Variants in DPP3 observed in about 807,000 individuals in gnomAD.
The protein encoded by DPP3 is DPP III.
A neutral mutation model predicts 89.8 loss-of-function variants in DPP3; 64 were observed. The ratio of observed to expected loss-of-function variants is 0.71; its 90% CI spans 0.58 to 0.88. The LOEUF is 0.88. Among genes scored for constraint, DPP3 ranks in the 40% least tolerant of loss-of-function variants. The pLI is 0.00. For synonymous variants in DPP3, 377 were observed against 404.3 expected, an observed-to-expected ratio of 0.93 and a Z score of 0.81; for missense variants, 835 against 972.5, an observed-to-expected ratio of 0.86 and a Z score of 1.88.
chr11:66,493,316 G>A (rs1046037700), intron 11 of DPP3, 137 bp downstream of exon 11: 59 of 861,588 alleles, frequency 6.8e-5, no homozygotes, highest in Non-Finnish European at 9.3e-5. Flanking sequence ...CCATGTGACC[G>A]TGTGGACTTT....
chr11:66,493,145 G>T lies in DPP3; in HGVS notation c.1262G>T (p.Arg421Leu), dbSNP rs762912494. Residue 421 changes from arginine to leucine, a missense_variant, in exon 11 of 18, where the codon CGG becomes CTG. By Grantham distance (102) the Arg-to-Leu change is moderately radical. Coordinates refer to ENST00000531863, the MANE Select transcript of DPP3 (RefSeq NM_130443.4). ...CTGGCTGTGGCCTACGCCACGCAGC[G>T]GGAGAAGCTTACCTTTCTGGAGGAG... ...NVLAVAYATQ[R>L]EKLTFLEEDD... 3 of 1,613,914 alleles carry T rather than the reference G, an allele frequency of 1.9e-6. No individual in the cohort carries two copies. In the African/African-American group the frequency reaches 4.0e-5, roughly 22 times the overall value.
At chr11:66,503,349 G>A (rs527507798) in intron 16 of DPP3, among the ~76,000 whole-genome samples, 1 of 152,294 alleles carries the variant, frequency 6.6e-6, no homozygotes, top group East Asian at 1.9e-4. Flanking sequence ...AGAAACATTA[G>A]CTTTAATTTT....
chr11:66,497,495 G>C lies in DPP3; in HGVS notation c.1878+18G>C. ...GACTTCAGGTAAGCAAAGGCCTCTC[G>C]TCTGGATGGGTCCCCACCAACCTCT... On this transcript the variant is annotated intron_variant, in intron 16 of 17. Transcript: ENST00000531863. 1 of 1,605,888 alleles carries C rather than the reference G, an allele frequency of 6.2e-7. No individual in the cohort carries two copies. The highest frequency in any genetic ancestry group is 8.5e-7 in the Non-Finnish European group (1 of 1,175,316).
chr11:66,490,313 C>T (rs775188049), intron 6 of DPP3, among the ~76,000 whole-genome samples: 3 of 152,124 alleles, frequency 2.0e-5, no homozygotes, highest in Non-Finnish European at 4.4e-5. Flanking sequence ...TAACAAATTA[C>T]CACAAATTTA....
chr11:66,507,728 G>T (rs1406827118), intron 17 of DPP3, among the ~76,000 whole-genome samples: 4 of 145,178 alleles, frequency 2.8e-5, no homozygotes, highest in Non-Finnish European at 4.5e-5. Flanking sequence ...ACTCTGTCCC[G>T]CAGGCAGTGG....
intron 1 of DPP3, among the ~76,000 whole-genome samples, chr11:66,481,889 C>G (rs577568710): frequency 2.0e-5 from 3 of 152,264 alleles, no homozygotes; most frequent in South Asian, 2.1e-4. Context: ...CTCAGGTGAT[C>G]CACACACCTC....
intron 6 of DPP3, among the ~76,000 whole-genome samples, chr11:66,488,519 A>C (rs1855295232): frequency 6.7e-6 from 1 of 149,462 alleles, no homozygotes; most frequent in African/African-American, 2.5e-5. Flanking sequence ...CCGAGATCTT[A>C]CCACTGCACT....
intron 11 of DPP3, 145 bp from the exon 12 acceptor site, chr11:66,493,396 T>G: frequency 1.1e-6 from 1 of 881,150 alleles, no homozygotes; most frequent in Non-Finnish European, 1.7e-6. Flanking sequence ...GTTGCAAGGA[T>G]GAAATGGGCT....
intron 1 of DPP3, 34 bp from the exon 2 acceptor site, chr11:66,482,159 A>G (rs1224064635): frequency 5.6e-6 from 9 of 1,609,220 alleles, no homozygotes; most frequent in Non-Finnish European, 7.6e-6. Flanking sequence ...GGTATGGGGT[A>G]AACAACAGCT....
rs1157085339 is a variant in DPP3, at chr11:66,491,693, C to A, written c.930-5C>A. On this transcript the variant is annotated splice_region_variant and splice_polypyrimidine_tract_variant and intron_variant, in intron 8 of 17. Coordinates refer to ENST00000531863, the MANE Select transcript of DPP3 (RefSeq NM_130443.4). ...CTCCTCCACCTCTGCCCTTCTCTCC[C>A]CCAGTTACATCGGGTTCATCGAGAG... 6.2e-7 allele frequency: 1 copy of A among 1,613,704 alleles called. No homozygotes were observed. Among genetic ancestry groups the A allele is most frequent in the Non-Finnish European group, 8.5e-7 (1 of 1,179,836 alleles).
At chr11:66,506,074 G>A (rs981857120) in intron 17 of DPP3, among the ~76,000 whole-genome samples, 3 of 151,906 alleles carry the variant, frequency 2.0e-5, no homozygotes, top group Non-Finnish European at 2.9e-5. Context: ...CCAGTCTCCC[G>A]AGTAGCTGGT....
In DPP3 at chr11:66,485,252, A is replaced by T. The variant is rs191890729; in HGVS notation, c.350A>T (p.Asn117Ile). The T allele has an allele frequency of 1.2e-6, 2 of 1,613,930 alleles. No homozygotes were observed. Among genetic ancestry groups the T allele is most frequent in the African/African-American group, 2.7e-5 (2 of 74,986 alleles). The change falls in exon 3 of 18, where the codon AAC (asparagine) becomes ATC (isoleucine). Residue 117 changes from asparagine to isoleucine, a missense_variant. Physicochemically the swap from Asn to Ile is moderately radical, Grantham distance 149 (BLOSUM62 -3). Transcript: ENST00000531863. ...TTTGGTGACACCAAGTTTGTTCCCA[A>T]CTTGCCCAAGGTGAGCCAAGGGAGG... ...KSFGDTKFVP[N>I]LPKEKLERVI...
intron 6 of DPP3, among the ~76,000 whole-genome samples, chr11:66,488,293 A>G (rs4930380): frequency 0.22 from 34,052 of 152,102 alleles, 4,177 homozygotes; most frequent in East Asian, 0.26. Flanking sequence ...CGGGCATGGC[A>G]GCTCACACCT....
rs1855385278 is a variant in DPP3 at position 66,491,484 on chromosome 11, C to T, written c.799-10C>T. The T allele has an allele frequency of 6.3e-7, 1 of 1,599,720 alleles. No homozygotes were observed. The highest frequency in any genetic ancestry group is 1.1e-5 in the South Asian group (1 of 90,106). On this transcript the variant is annotated splice_polypyrimidine_tract_variant and intron_variant, in intron 7 of 17. Coordinates refer to ENST00000531863, the MANE Select transcript of DPP3 (RefSeq NM_130443.4). Reference sequence around the variant, plus strand: ...GTGGCCCGAGGCTGACCGACCCCCGCTCACCTCAGGCCTATGCAGCCAACA... The same window carrying T: ...GTGGCCCGAGGCTGACCGACCCCCGTTCACCTCAGGCCTATGCAGCCAACA...
intron 1 of DPP3, chr11:66,481,977 A>G (rs1367765302): frequency 1.5e-6 from 1 of 651,364 alleles, no homozygotes; most frequent in East Asian, 2.8e-5. Context: ...TTTAGGGACT[A>G]CAGACCAAAT....
Position 66,483,782 on chromosome 11 carries a change from C to T in DPP3, c.270+1312C>T, listed in dbSNP as rs529661774. 2.3e-4 allele frequency among the ~76,000 whole-genome samples: 35 copies of T among 152,126 alleles called. 1 individual carries two copies. In the South Asian group the frequency reaches 6.7e-3, roughly 29 times the overall value. On this transcript the variant is annotated intron_variant, in intron 2 of 17. Transcript: ENST00000531863. ...CCACCAAGAATGTACAAGAATATGGCCTGTTTTTCTATATGTGAAATAAAG... is the reference window on the plus strand; with the variant it reads ...CCACCAAGAATGTACAAGAATATGGTCTGTTTTTCTATATGTGAAATAAAG...
intron 15 of DPP3, among the ~76,000 whole-genome samples, chr11:66,496,300 G>A (rs1344726975): frequency 6.6e-6 from 1 of 152,192 alleles, no homozygotes; most frequent in African/African-American, 2.4e-5. Context: ...AGGCTGGAGT[G>A]CAGTGGCCGG....
chr11:66,501,916 G>A (rs891411428), intron 16 of DPP3, among the ~76,000 whole-genome samples: 2 of 151,298 alleles, frequency 1.3e-5, no homozygotes, highest in Non-Finnish European at 2.9e-5. Context: ...CTACAATATC[G>A]GCTGGGCACG....
At position 66,507,755 on chromosome 11, in the gene DPP3, T is replaced by G. The variant is rs1024175677; in HGVS notation, c.2042-1324T>G. 5.2e-4 allele frequency among the ~76,000 whole-genome samples: 77 copies of G among 147,822 alleles called. 2 individuals are homozygous for G. Among genetic ancestry groups the G allele is most frequent in the Admixed American group, 4.1e-3 (61 of 14,730 alleles). On this transcript the variant is annotated intron_variant, in intron 17 of 17. Transcript: ENST00000531863. ...AGGCAGTGGTGAGATCTCGGCTCAC[T>G]GCAACCTCCACCTCCGGAGTCAAAT... is the stretch of plus-strand genomic sequence containing the variant.
Sources: gnomAD v4.1 joint callset for allele counts (sites outside exome capture counted in the v4.1 genomes callset) on GRCh38, gnomAD v4.1.1 for gene constraint, MANE v1.5 for transcripts, NCBI Gene and HGNC (gene_info 2026-07-23, HGNC 2026-07-21) for gene names.